Variants in FMN2 observed in about 807,000 individuals in gnomAD.
FMN2 encodes formin-2.
In FMN2, 51 loss-of-function variants were observed where a neutral mutation model predicts 142.3. The ratio of observed to expected loss-of-function variants is 0.36; its 90% CI spans 0.29 to 0.45. The LOEUF is 0.45. FMN2 is among the 20% of genes least tolerant of loss of function. The pLI, the probability that FMN2 is intolerant of heterozygous loss-of-function variation, is 1.00. For synonymous variants in FMN2, 882 were observed against 869.8 expected, an observed-to-expected ratio of 1.01 and a Z score of -0.25; for missense variants, 1,936 against 2,122.8, an observed-to-expected ratio of 0.91 and a Z score of 1.73.
Position 240,178,052 on chromosome 1 carries a change from C to G in FMN2, c.1914C>G (p.Leu638=). 6.2e-7 allele frequency: 1 copy of G among 1,601,190 alleles called. No individual in the cohort carries two copies. The highest frequency in any genetic ancestry group is 8.5e-7 in the Non-Finnish European group (1 of 1,175,978). The change falls in exon 3 of 18, where the codon CTC becomes CTG. Residue 638 remains leucine, a synonymous_variant. Transcript: ENST00000319653. The part of the protein sequence containing the change: ...PSKPPDEEHR[L]EDAETESQSA... The stretch of plus-strand genomic sequence containing the variant: ...AACCTCCCGATGAGGAACACAGGCT[C>G]GAGGATGCTGAAACAGGTAACCCTT...
At chr1:240,263,296 G>A (rs1471478249) in intron 7 of FMN2, among the ~76,000 whole-genome samples, 2 of 152,142 alleles carry the variant, frequency 1.3e-5, no homozygotes, top group Non-Finnish European at 2.9e-5. Flanking sequence ...ACAGATATAA[G>A]CTTGGCACAG....
intron 13 of FMN2, 104 bp from the exon 14 acceptor site, chr1:240,355,712 G>A: frequency 1.4e-6 from 1 of 694,028 alleles, no homozygotes; most frequent in East Asian, 2.7e-5. Flanking sequence ...ATGCTGATTA[G>A]GGGAGTTAAC....
intron 7 of FMN2, among the ~76,000 whole-genome samples, chr1:240,259,544 G>A: frequency 7.1e-6 from 1 of 140,110 alleles, no homozygotes; most frequent in East Asian, 2.1e-4. Context: ...GCAAGAGGTT[G>A]TGCCCTCCTG....
rs1208058321 is a variant in FMN2, at chr1:240,093,329, G to A, written c.1220G>A (p.Cys407Tyr). 1 of 1,612,286 alleles carries A rather than the reference G, an allele frequency of 6.2e-7. No homozygotes were observed. Among genetic ancestry groups the A allele is most frequent in the East Asian group, 2.2e-5 (1 of 44,564 alleles). ...LPGSPAPSQR[C>Y]FKPYPLITPC... ...GGCAGCCCCGCGCCTAGCCAGCGCT[G>A]TTTCAAGCCCTACCCGCTCATCACC... The change falls in exon 1 of 18, where the codon TGT becomes TAT. Residue 407 changes from cysteine to tyrosine, a missense_variant. By Grantham distance (194) the Cys-to-Tyr change is radical. Around this residue, in one of 8 missense-constraint regions of FMN2, gnomAD observed 751 missense variants for 791.8 expected, o/e 0.95. Transcript: ENST00000319653.
At chr1:240,252,984 C>T (rs540364806) in intron 6 of FMN2, among the ~76,000 whole-genome samples, 3 of 36,998 alleles carry the variant, frequency 8.1e-5, no homozygotes, top group East Asian at 3.5e-3. Flanking sequence ...GACAGAGTCT[C>T]ACTCTGTCAC....
chr1:240,365,060 C>G (rs890011274), intron 14 of FMN2, among the ~76,000 whole-genome samples: 2 of 152,164 alleles, frequency 1.3e-5, no homozygotes, highest in African/African-American at 2.4e-5. Context: ...TATTACTGTT[C>G]TCTACTTTAA....
chr1:240,137,069 C>CAAAAAA (rs563163509), intron 2 of FMN2, among the ~76,000 whole-genome samples: 9 of 76,188 alleles, frequency 1.2e-4, no homozygotes, highest in African/African-American at 3.9e-4. Flanking sequence ...AACTCCGTCT[C>CAAAAAA]AAAAAAAAAA....
chr1:240,348,647 G>A (rs1671996937), intron 13 of FMN2, among the ~76,000 whole-genome samples: 1 of 151,848 alleles, frequency 6.6e-6, no homozygotes, highest in Non-Finnish European at 1.5e-5. Flanking sequence ...AGAGTCCCCA[G>A]TTGATTCTGA....
chr1:240,298,284 A>G (rs1396559794), intron 8 of FMN2, among the ~76,000 whole-genome samples: 1 of 152,216 alleles, frequency 6.6e-6, no homozygotes, highest in Non-Finnish European at 1.5e-5. Flanking sequence ...AGGATCCGTT[A>G]TGAACAATAA....
intron 2 of FMN2, among the ~76,000 whole-genome samples, chr1:240,133,315 T>C (rs1662813567): frequency 6.6e-6 from 1 of 152,038 alleles, no homozygotes; most frequent in South Asian, 2.1e-4. Context: ...TAAATGCAAA[T>C]GCCACCATGA....
rs556631163 is a variant in FMN2 at position 240,218,575 on chromosome 1, A to T, written c.4065+7340A>T. 2.7e-3 allele frequency among the ~76,000 whole-genome samples: 408 copies of T among 150,994 alleles called. 3 individuals carry two copies. The South Asian group carries it at 0.027, about 10-fold the overall frequency. ...CCATCTCATCTCTAAAAAAAAAAAA[A>T]TTTTATTTCTATCTGGAGCAGATGA... On this transcript the variant is annotated intron_variant, in intron 6 of 17. Transcript: ENST00000319653.
chr1:240,264,387 A>T (rs1287530648), intron 7 of FMN2, among the ~76,000 whole-genome samples: 1 of 152,142 alleles, frequency 6.6e-6, no homozygotes, highest in Middle Eastern at 3.4e-3. Context: ...ATTTATTTTT[A>T]TTTTTTTATT....
rs185567980 is a variant in FMN2 at position 240,294,802 on chromosome 1, T to G, written c.4154-20T>G. ...CACAGGTGGCTTATGGCAATTTATA[T>G]TCTTCTTTTTTTTCCACAGCTGTTG... On this transcript the variant is annotated intron_variant, in intron 7 of 17. Coordinates refer to ENST00000319653, the MANE Select transcript of FMN2 (RefSeq NM_020066.5). The G allele has an allele frequency of 1.1e-4, 173 of 1,613,398 alleles. 1 individual carries two copies. Among genetic ancestry groups the G allele is most frequent in the East Asian group, 1.0e-3 (47 of 44,844 alleles).
intron 13 of FMN2, among the ~76,000 whole-genome samples, chr1:240,346,614 G>A (rs180887936): frequency 6.6e-6 from 1 of 152,248 alleles, no homozygotes; most frequent in Admixed American, 6.5e-5. Flanking sequence ...TTCTTAAACT[G>A]GAAATGTAGT....
At chr1:240,289,773 A>G (rs1669715259) in intron 7 of FMN2, among the ~76,000 whole-genome samples, 1 of 152,198 alleles carries the variant, frequency 6.6e-6, no homozygotes, top group African/African-American at 2.4e-5. Context: ...AATTTGTCTA[A>G]TAATGTTTTG....
intron 2 of FMN2, among the ~76,000 whole-genome samples, chr1:240,162,753 A>G (rs1270183655): frequency 6.6e-6 from 1 of 152,096 alleles, no homozygotes; most frequent in Admixed American, 6.6e-5. Context: ...ATTTATTAAC[A>G]CTTAAATCTG....
chr1:240,118,951 G>C (rs900775719), intron 1 of FMN2, among the ~76,000 whole-genome samples: 2 of 152,100 alleles, frequency 1.3e-5, no homozygotes, highest in Admixed American at 6.6e-5. Flanking sequence ...TGGTTTTGAA[G>C]GAGAATAAAT....
chr1:240,091,946 A>T lies in FMN2; in HGVS notation c.-164A>T. 8.3e-7 allele frequency: 1 copy of T among 1,207,996 alleles called. No individual in the cohort carries two copies. Among genetic ancestry groups the T allele is most frequent in the Non-Finnish European group, 1.1e-6 (1 of 925,084 alleles). 74.8% of individuals were successfully genotyped at this position (1,207,996 alleles called of 1,614,324 possible). A position where few individuals can be genotyped will look rare whatever the true frequency, so the allele number is the denominator to read the frequency against. On this transcript the variant is annotated 5_prime_UTR_variant, in exon 1 of 18. The change abolishes an upstream ATG in the 5' untranslated region. Coordinates refer to ENST00000319653, the MANE Select transcript of FMN2 (RefSeq NM_020066.5). The stretch of plus-strand genomic sequence containing the variant: ...CGCGCATTATGCAAAGCGGCGGCAG[A>T]TGCGAGCGGGGCCAGCCGGGCGCGC...
intron 6 of FMN2, among the ~76,000 whole-genome samples, chr1:240,225,037 A>G (rs575694061): frequency 4.2e-4 from 64 of 152,318 alleles, no homozygotes; most frequent in African/African-American, 1.4e-3. Context: ...ATCAATTTCT[A>G]TGTTCATCAA....
Sources: gnomAD v4.1 joint callset for allele counts (sites outside exome capture counted in the v4.1 genomes callset) on GRCh38, gnomAD v4.1.1 for gene constraint, gnomAD v4.1.1 regional missense constraint, MANE v1.5 for transcripts, NCBI Gene and HGNC (gene_info 2026-07-23, HGNC 2026-07-21) for gene names.